Variants in RERE observed in about 807,000 individuals in gnomAD.
The protein encoded by RERE is arginine-glutamic acid dipeptide repeats, also known as arginine-glutamic acid dipeptide repeats protein.
In RERE, 40 loss-of-function variants were observed where a neutral mutation model predicts 146.1. The ratio of observed to expected loss-of-function variants is 0.27; its 90% CI spans 0.21 to 0.36. The LOEUF (loss-of-function observed/expected upper bound fraction) is 0.36, where lower values mean the gene tolerates loss of function less well. RERE is among the 10% of genes least tolerant of loss of function. RERE has a pLI of 1.00. For missense variants in RERE, 1,933 were observed against 2,138.7 expected, an observed-to-expected ratio of 0.90 and a Z score of 1.90; for synonymous variants, 1,003 against 866.0, an observed-to-expected ratio of 1.16 and a Z score of -2.78.
intron 11 of RERE, among the ~76,000 whole-genome samples, chr1:8,427,763 T>A (rs1158858431): frequency 6.6e-6 from 1 of 151,976 alleles, no homozygotes; most frequent in East Asian, 1.9e-4. Flanking sequence ...GCCTTTAGCT[T>A]GTGGTTTACC....
intron 12 of RERE, among the ~76,000 whole-genome samples, chr1:8,377,365 T>G (rs1407822366): frequency 6.6e-6 from 1 of 152,228 alleles, no homozygotes; most frequent in Non-Finnish European, 1.5e-5. Context: ...ATATTTTAAG[T>G]GTAATAATGC....
At chr1:8,403,433 C>CTTTTT (rs70990565) in intron 12 of RERE, among the ~76,000 whole-genome samples, 1 of 137,296 alleles carries the variant, frequency 7.3e-6, no homozygotes, top group Non-Finnish European at 1.6e-5. Context: ...TTCATATTTT[C>CTTTTT]TTTTTTTTTT....
At chr1:8,695,479 G>C (rs1342189046) in intron 1 of RERE, among the ~76,000 whole-genome samples, 1 of 150,932 alleles carries the variant, frequency 6.6e-6, no homozygotes, top group African/African-American at 2.4e-5. Context: ...GCCAGGCATG[G>C]TAGCTCATGC....
intron 1 of RERE, among the ~76,000 whole-genome samples, chr1:8,792,886 G>A (rs1009694986): frequency 2.0e-5 from 3 of 152,160 alleles, no homozygotes; most frequent in African/African-American, 7.2e-5. Flanking sequence ...GCCGGGTGCA[G>A]TGGCTCACGC....
At chr1:8,716,906 C>G (rs1557500213) in intron 1 of RERE, among the ~76,000 whole-genome samples, 1 of 152,092 alleles carries the variant, frequency 6.6e-6, no homozygotes, top group African/African-American at 2.4e-5. Context: ...AGAGGGCAGG[C>G]TGTACTACAT....
intron 4 of RERE, among the ~76,000 whole-genome samples, chr1:8,564,729 A>G (rs779675292): frequency 5.3e-5 from 8 of 152,114 alleles, no homozygotes; most frequent in Non-Finnish European, 1.5e-5. Context: ...TTATCACAGT[A>G]CTATTCACAA....
At chr1:8,537,362 C>T (rs1645738846) in intron 7 of RERE, among the ~76,000 whole-genome samples, 1 of 152,098 alleles carries the variant, frequency 6.6e-6, no homozygotes, top group African/African-American at 2.4e-5. Context: ...TGTAACACCC[C>T]AGCAGTGTTC....
At chr1:8,438,977 A>C (rs1218737088) in intron 11 of RERE, among the ~76,000 whole-genome samples, 4 of 152,128 alleles carry the variant, frequency 2.6e-5, no homozygotes, top group African/African-American at 9.7e-5. Context: ...AAAAAGAAAA[A>C]AGGTCCATTT....
At chr1:8,409,652 T>C (rs1007864293) in intron 12 of RERE, among the ~76,000 whole-genome samples, 2 of 152,216 alleles carry the variant, frequency 1.3e-5, no homozygotes, top group African/African-American at 2.4e-5. Flanking sequence ...AACAGATGAT[T>C]TGAAACAAAA....
In RERE at chr1:8,738,290, T is replaced by C. The variant is rs547760055; in HGVS notation, c.-145+78870A>G. Among the ~76,000 whole-genome samples the C allele has an allele frequency of 3.9e-5, 6 of 152,286 alleles. No individual in the cohort carries two copies. The East Asian group carries it at 1.2e-3, about 29-fold the overall frequency. ...CTTTCTTTTGTTGTTGTTCTTTTTT[T>C]TTATTTTTTTGAGATGGAGTCTCGC... is the stretch of plus-strand genomic sequence containing the variant. On this transcript the variant is annotated intron_variant, in intron 1 of 22. Transcript: ENST00000400908.
intron 7 of RERE, among the ~76,000 whole-genome samples, chr1:8,519,496 C>T (rs1027343490): frequency 2.6e-5 from 4 of 152,066 alleles, no homozygotes; most frequent in Non-Finnish European, 5.9e-5. Flanking sequence ...TTTGAGGACA[C>T]AATTAAATCT....
In RERE at chr1:8,723,321, C is replaced by T. The variant is rs141223301; in HGVS notation, c.-144-66880G>A. Among the ~76,000 whole-genome samples, 422 of 152,290 alleles carry T rather than the reference C, an allele frequency of 2.8e-3. 2 individuals are homozygous for T. Among genetic ancestry groups the T allele is most frequent in the African/African-American group, 9.7e-3 (401 of 41,548 alleles). On this transcript the variant is annotated intron_variant, in intron 1 of 22. Transcript: ENST00000400908. ...AGAGATTAGTAATTAGACTGAATGG[C>T]TGTGGTTCAATATAAAGTATAGAAA...
At chr1:8,768,833 G>A (rs1402280582) in intron 1 of RERE, among the ~76,000 whole-genome samples, 2 of 152,144 alleles carry the variant, frequency 1.3e-5, no homozygotes, top group African/African-American at 4.8e-5. Flanking sequence ...TGTGGACTAG[G>A]AGGACAAAGG....
At chr1:8,618,541 A>G (rs565114210) in intron 3 of RERE, among the ~76,000 whole-genome samples, 1 of 152,326 alleles carries the variant, frequency 6.6e-6, no homozygotes, top group South Asian at 2.1e-4. Flanking sequence ...CTCTAATGCA[A>G]GATTTACCTC....
chr1:8,731,183 T>C (rs1640071589), intron 1 of RERE, among the ~76,000 whole-genome samples: 3 of 152,212 alleles, frequency 2.0e-5, no homozygotes, highest in African/African-American at 7.2e-5. Context: ...GTGGACTAGC[T>C]TGAGAGTTAA....
chr1:8,815,574 G>C (rs948127253), intron 1 of RERE, among the ~76,000 whole-genome samples: 1 of 152,220 alleles, frequency 6.6e-6, no homozygotes, highest in African/African-American at 2.4e-5. Flanking sequence ...AAGGGAGGCA[G>C]AGAGAAGAGA....
chr1:8,374,254 C>T (rs893842369), intron 12 of RERE, among the ~76,000 whole-genome samples: 1 of 152,134 alleles, frequency 6.6e-6, no homozygotes, highest in African/African-American at 2.4e-5. Context: ...GAGGGAAGTA[C>T]GTGAAGGTCT....
intron 1 of RERE, among the ~76,000 whole-genome samples, chr1:8,741,802 A>T (rs1231530501): frequency 6.6e-6 from 1 of 152,232 alleles, no homozygotes; most frequent in Non-Finnish European, 1.5e-5. Context: ...GAAGCAAATA[A>T]CAACTTAAAA....
At chr1:8,498,132 G>A (rs1645070405) in intron 8 of RERE, among the ~76,000 whole-genome samples, 1 of 152,016 alleles carries the variant, frequency 6.6e-6, no homozygotes, top group Admixed American at 6.6e-5. Flanking sequence ...AGGCCGAGGT[G>A]GGTGGATCAC....
Sources: allele counts gnomAD v4.1 joint callset (sites outside exome capture counted in the v4.1 genomes callset), GRCh38; gene constraint gnomAD v4.1.1; transcripts MANE v1.5; gene names NCBI Gene and HGNC (gene_info 2026-07-23, HGNC 2026-07-21).